The following ECI2 variants were observed in gnomAD, a reference collection of about 807,000 sequenced individuals.
ECI2 encodes the protein D3,D2-enoyl-CoA isomerase.
Under a neutral mutation model 38.4 loss-of-function variants are expected in ECI2, and 27 were observed. The ratio of observed to expected loss-of-function variants is 0.70; its 90% CI spans 0.52 to 0.97. The LOEUF is 0.97. ECI2 is among the 50% of genes least tolerant of loss of function. The pLI is 0.00. For missense variants in ECI2, 470 were observed against 474.4 expected, an observed-to-expected ratio of 0.99 and a Z score of 0.09; for synonymous variants, 168 against 172.0, an observed-to-expected ratio of 0.98 and a Z score of 0.18.
rs769415713 is a variant in ECI2 at position 4,126,177 on chromosome 6, C to A, written c.632G>T (p.Gly211Val). The A allele has an allele frequency of 1.0e-4, 164 of 1,613,862 alleles. No individual in the cohort carries two copies. Among genetic ancestry groups the A allele is most frequent in the Non-Finnish European group, 1.3e-4 (157 of 1,179,976 alleles). Reference protein sequence around the residue: ...DLTNFTDIPPGGVEEKAKNNA... With the variant: ...DLTNFTDIPPVGVEEKAKNNA... ...ATTTTTAGCTTTCTCCTCTACTCCACCAGGGGGAATATCAGTGAAGTTAGT... is the reference window on the plus strand; with the variant it reads ...ATTTTTAGCTTTCTCCTCTACTCCAACAGGGGGAATATCAGTGAAGTTAGT... The change falls in exon 6 of 10, where the codon GGT becomes GTT. Residue 211 changes from glycine to valine, a missense_variant. Gly to Val is a moderately radical substitution (Grantham distance 109, BLOSUM62 -3). Transcript: ENST00000380118.
intron 7 of ECI2, chr6:4,121,810 A>C: frequency 2.7e-6 from 1 of 376,402 alleles, no homozygotes; most frequent in Non-Finnish European, 4.9e-6. Flanking sequence ...CATTTCCTAT[A>C]ATCAGACACG....
intron 2 of ECI2, among the ~76,000 whole-genome samples, chr6:4,132,573 A>G (rs535979993): frequency 6.6e-6 from 1 of 152,344 alleles, no homozygotes; most frequent in South Asian, 2.1e-4. Flanking sequence ...AGAAAAATAG[A>G]TAACACAGGA....
intron 7 of ECI2, among the ~76,000 whole-genome samples, chr6:4,123,780 G>A (rs1009623079): frequency 2.6e-5 from 4 of 151,632 alleles, no homozygotes; most frequent in Non-Finnish European, 4.4e-5. Context: ...CAGCCTGGCC[G>A]ACACAGTGAA....
chr6:4,132,032 C>CT (rs1202423810), intron 2 of ECI2, among the ~76,000 whole-genome samples: 6 of 152,162 alleles, frequency 3.9e-5, no homozygotes, highest in Admixed American at 6.5e-5. Flanking sequence ...GTCCTCAATG[C>CT]TAACACCAAT....
In ECI2 at chr6:4,133,646, C is replaced by G. The variant is rs377558345; in HGVS notation, c.116G>C (p.Ser39Thr). The G allele has an allele frequency of 5.0e-6, 8 of 1,614,052 alleles. No homozygotes were observed. The highest frequency in any genetic ancestry group is 6.8e-6 in the Non-Finnish European group (8 of 1,179,984). ...LHMNRTAMRA[S>T]QKDFENSMNQ... ...CATTGAATTTTCAAAGTCCTTCTGA[C>G]TGGCTCTCATTGCTGTTCTATTCAT... Residue 39 changes from serine (S) to threonine (T), a missense_variant, in exon 2 of 10, where the codon AGT (serine) becomes ACT (threonine). Coordinates refer to ENST00000380118, the MANE Select transcript of ECI2 (RefSeq NM_206836.3).
intron 3 of ECI2, 34 bp downstream of exon 3, chr6:4,130,733 C>A (rs369147181): frequency 3.5e-5 from 57 of 1,610,946 alleles, no homozygotes; most frequent in African/African-American, 1.3e-5. Context: ...TTTAGAAGTA[C>A]AGCAAATAAA....
intron 4 of ECI2, among the ~76,000 whole-genome samples, chr6:4,129,576 G>T (rs190003788): frequency 6.6e-5 from 10 of 152,296 alleles, no homozygotes; most frequent in Non-Finnish European, 1.3e-4. Flanking sequence ...TAGACACTCT[G>T]TACAGAGTAG....
intron 3 of ECI2, 69 bp downstream of exon 3, chr6:4,130,698 T>C (rs1773463608): frequency 2.5e-6 from 4 of 1,603,228 alleles, no homozygotes; most frequent in Non-Finnish European, 3.4e-6. Context: ...CCATTTACAA[T>C]GGCTTAATGA....
At chr6:4,129,911 C>T (rs900568915) in intron 4 of ECI2, among the ~76,000 whole-genome samples, 3 of 152,096 alleles carry the variant, frequency 2.0e-5, no homozygotes, top group African/African-American at 4.8e-5. Context: ...GAAGCAGCTA[C>T]TTTAAAGCGG....
rs200728832 is a variant in ECI2, at chr6:4,130,425, T to G, written c.448A>C (p.Ile150Leu). 14 of 1,614,252 alleles carry G rather than the reference T, an allele frequency of 8.7e-6. No individual in the cohort carries two copies. Among genetic ancestry groups the G allele is most frequent in the Non-Finnish European group, 1.2e-5 (14 of 1,180,038 alleles). ...GGCCGGTTGAACATGATCTTTGTGA[T>G]GCCATCTTCGGAGGTCACCACCAGA... ...ETLVVTSEDG[I>L]TKIMFNRPKK... The change falls in exon 4 of 10, where the codon ATC (isoleucine) becomes CTC (leucine). Residue 150 changes from isoleucine (I) to leucine (L), a missense_variant. By Grantham distance (5) the Ile-to-Leu change is conservative. Coordinates refer to ENST00000380118, the MANE Select transcript of ECI2 (RefSeq NM_206836.3).
At position 4,116,587 on chromosome 6, in the gene ECI2, G is replaced by A. The variant is rs531412964; in HGVS notation, c.1030-558C>T. Among the ~76,000 whole-genome samples the A allele has an allele frequency of 8.2e-4, 124 of 151,528 alleles. 1 individual carries two copies. Among genetic ancestry groups the A allele is most frequent in the African/African-American group, 2.9e-3 (121 of 41,372 alleles). Reference sequence around the variant, plus strand: ...ATCCAGAGTAGCTGGGATTACAGGCGCCCACCACCACGCCTGGCTAATTTT... The same window carrying A: ...ATCCAGAGTAGCTGGGATTACAGGCACCCACCACCACGCCTGGCTAATTTT... On this transcript the variant is annotated intron_variant, in intron 9 of 9. Coordinates refer to ENST00000380118, the MANE Select transcript of ECI2 (RefSeq NM_206836.3).
chr6:4,130,127 T>C, intron 4 of ECI2: 1 of 1,613,324 alleles, frequency 6.2e-7, no homozygotes, highest in Non-Finnish European at 8.5e-7. Flanking sequence ...CATTTATTTC[T>C]GCTTCCATTA....
chr6:4,135,520 G>C lies in ECI2; in HGVS notation c.41C>G (p.Ser14Trp), dbSNP rs6910984. The change falls in exon 1 of 10, where the codon TCG becomes TGG. Residue 14 changes from serine to tryptophan, a missense_variant. Physicochemically the swap from Ser to Trp is radical, Grantham distance 177. Coordinates refer to ENST00000380118, the MANE Select transcript of ECI2 (RefSeq NM_206836.3). ...AYLAWRLARR[S>W]CPSSLQVTSF... ...GGGACTCCAAGCTTACCTCGGACAC[G>C]AACGCCGCGCCAGTCTCCAAGCCAA... 1,107 of 1,586,786 alleles carry C rather than the reference G, an allele frequency of 7.0e-4. 9 individuals are homozygous for C. In the African/African-American group the frequency reaches 0.013, roughly 19 times the overall value.
intron 1 of ECI2, 43 bp from the exon 2 acceptor site, chr6:4,133,754 C>G (rs759758902): frequency 1.3e-6 from 2 of 1,548,648 alleles, no homozygotes; most frequent in African/African-American, 2.7e-5. Context: ...CCAACCCTCA[C>G]ATTTCTGCAG....
chr6:4,125,557 C>G (rs573701247), intron 6 of ECI2, 187 bp from the exon 7 acceptor site: 75 of 820,514 alleles, frequency 9.1e-5, no homozygotes, highest in African/African-American at 8.8e-4. Context: ...GGGCATCCGT[C>G]TGAATGGCAG....
chr6:4,125,981 T>G (rs751210103), intron 6 of ECI2, 154 bp downstream of exon 6: 1 of 701,726 alleles, frequency 1.4e-6, no homozygotes, highest in East Asian at 2.7e-5. Flanking sequence ...TGCCCACCTA[T>G]GGATGGAGGC....
At chr6:4,124,337 G>C (rs557731732) in intron 7 of ECI2, among the ~76,000 whole-genome samples, 1 of 152,312 alleles carries the variant, frequency 6.6e-6, no homozygotes, top group South Asian at 2.1e-4. Context: ...AAGAATTAAG[G>C]ATGCTATTAT....
chr6:4,130,748 C>T lies in ECI2; in HGVS notation c.312+19G>A. The T allele has an allele frequency of 6.2e-7, 1 of 1,613,236 alleles. No individual in the cohort carries two copies. The highest frequency in any genetic ancestry group is 8.5e-7 in the Non-Finnish European group (1 of 1,179,718). On this transcript the variant is annotated intron_variant, in intron 3 of 9. Transcript: ENST00000380118. ...TTTAGAAGTACAGCAAATAAAAGCA[C>T]AGTAACTAGTAAACTCACCTTGGGC...
At chr6:4,132,164 T>A (rs549425522) in intron 2 of ECI2, among the ~76,000 whole-genome samples, 17 of 152,282 alleles carry the variant, frequency 1.1e-4, no homozygotes, top group African/African-American at 4.1e-4. Flanking sequence ...AGGATAGAGA[T>A]TAGAATCATC....
Sources: allele counts gnomAD v4.1 joint callset (sites outside exome capture counted in the v4.1 genomes callset), GRCh38; gene constraint gnomAD v4.1.1; transcripts MANE v1.5; gene names NCBI Gene and HGNC (gene_info 2026-07-23, HGNC 2026-07-21).